Variants in ASB3 observed in about 807,000 individuals in gnomAD.
The protein encoded by ASB3 is ankyrin repeat and SOCS box protein 3.
Under a neutral mutation model 54.5 loss-of-function variants are expected in ASB3, and 41 were observed. The observed-to-expected ratio is 0.75, with a 90% CI of 0.59 to 0.98. The LOEUF is 0.98. Among genes scored for constraint, ASB3 ranks in the 50% least tolerant of loss-of-function variants. The pLI, the probability that ASB3 is intolerant of heterozygous loss-of-function variation, is 0.00. For missense variants in ASB3, 733 were observed against 620.0 expected (o/e 1.18, Z -1.94); for synonymous variants, 266 against 221.2 (o/e 1.20, Z -1.80).
intron 9 of ASB3, among the ~76,000 whole-genome samples, chr2:53,671,614 C>G (rs959365867): frequency 6.6e-6 from 1 of 151,894 alleles, no homozygotes; most frequent in African/African-American, 2.4e-5. Flanking sequence ...ACAAAATTAG[C>G]TTGGCGTGGT....
At chr2:53,697,265 T>A (rs184495259) in intron 8 of ASB3, among the ~76,000 whole-genome samples, 124 of 152,326 alleles carry the variant, frequency 8.1e-4, no homozygotes, top group Non-Finnish European at 1.6e-3. Context: ...AAACCCTCAG[T>A]CCTGGGACTT....
intron 9 of ASB3, among the ~76,000 whole-genome samples, chr2:53,671,387 T>TGTGC (rs1318730427): frequency 6.6e-6 from 1 of 151,816 alleles, no homozygotes; most frequent in Non-Finnish European, 1.5e-5. Context: ...TGTGTGTGTG[T>TGTGC]GTGTGTGTGT....
intron 9 of ASB3, among the ~76,000 whole-genome samples, chr2:53,681,315 G>A (rs1253225962): frequency 6.6e-6 from 1 of 152,080 alleles, no homozygotes; most frequent in Non-Finnish European, 1.5e-5. Context: ...CCCTTCTGTG[G>A]GCCGTCTCTT....
intron 3 of ASB3, among the ~76,000 whole-genome samples, chr2:53,739,712 G>T (rs13007276): frequency 1.6e-3 from 243 of 152,190 alleles, no homozygotes; most frequent in Admixed American, 3.7e-3. Flanking sequence ...GTCTGGCTCT[G>T]TTACCCACGA....
rs746964548 is a variant in ASB3 at position 53,765,380 on chromosome 2, C to A, written c.193G>T (p.Ala65Ser). ...SVECLQMLIN[A>S]DSSENYIKMK... The stretch of plus-strand genomic sequence containing the variant: ...CCATACCTTGAATTTACTTTACCTG[C>A]ATTAATTAACATTTGCAAACATTCT... Residue 65 changes from alanine (A) to serine (S), a missense_variant, in exon 2 of 10, where the codon GCA becomes TCA. Coordinates refer to ENST00000263634, the MANE Select transcript of ASB3 (RefSeq NM_016115.5). 6.8e-6 allele frequency: 11 copies of A among 1,614,078 alleles called. No homozygotes were observed. The highest frequency in any genetic ancestry group is 7.6e-6 in the Non-Finnish European group (9 of 1,180,028).
rs1353275040 is a variant in ASB3 at position 53,670,612 on chromosome 2, C to T, written c.1448G>A (p.Ser483Asn). The T allele has an allele frequency of 6.2e-7, 1 of 1,614,006 alleles. No homozygotes were observed. The highest frequency in any genetic ancestry group is 8.5e-7 in the Non-Finnish European group (1 of 1,179,970). Reference protein sequence around the residue: ...SLKSERLRSDSYISQLPLPRS... With the variant: ...SLKSERLRSDNYISQLPLPRS... ...GGGAAGTGGCAGCTGACTAATATAA[C>T]TGTCAGACCGTAGACGTTCTGATTT... Residue 483 changes from serine (S) to asparagine (N), a missense_variant, in exon 10 of 10, where the codon AGT (serine) becomes AAT (asparagine). Ser to Asn is a conservative substitution (Grantham distance 46). Coordinates refer to ENST00000263634, the MANE Select transcript of ASB3 (RefSeq NM_016115.5).
chr2:53,758,329 C>A (rs6746628), intron 2 of ASB3, among the ~76,000 whole-genome samples: 2 of 152,114 alleles, frequency 1.3e-5, no homozygotes, highest in African/African-American at 4.8e-5. Context: ...GGACTTAATC[C>A]GGGGCAACAA....
intron 3 of ASB3, among the ~76,000 whole-genome samples, chr2:53,740,622 A>G (rs1037623207): frequency 6.6e-6 from 1 of 152,234 alleles, no homozygotes; most frequent in Admixed American, 6.5e-5. Flanking sequence ...CCCAGTGGCT[A>G]ACAATCTTAA....
chr2:53,716,808 C>G, intron 5 of ASB3, 65 bp from the exon 6 acceptor site: 1 of 1,505,080 alleles, frequency 6.6e-7, no homozygotes, highest in Non-Finnish European at 8.9e-7. Context: ...ACACAAATTT[C>G]AAAGGAACTA....
chr2:53,743,791 C>G (rs963604738), intron 3 of ASB3, among the ~76,000 whole-genome samples: 1 of 152,152 alleles, frequency 6.6e-6, no homozygotes, highest in African/African-American at 2.4e-5. Context: ...TCCTGTAATC[C>G]CAGTTCTTCG....
rs1667764490 is a variant in ASB3, at chr2:53,670,703, A to T, written c.1370-13T>A. On this transcript the variant is annotated splice_polypyrimidine_tract_variant and intron_variant, in intron 9 of 9. Transcript: ENST00000263634. ...GATGGAACAGTGGCTGGAGAAACAA[A>T]AAAAGCAAGGTGAAACTTTTTTAAA... 1 of 1,592,208 alleles carries T rather than the reference A, an allele frequency of 6.3e-7. No individual in the cohort carries two copies. Among genetic ancestry groups the T allele is most frequent in the Admixed American group, 1.9e-5 (1 of 53,936 alleles).
In ASB3 at chr2:53,670,330, T is replaced by A; in HGVS notation, c.*173A>T. 1 of 328,734 alleles carries A rather than the reference T, an allele frequency of 3.0e-6. No homozygotes were observed. The highest frequency in any genetic ancestry group is 5.3e-6 in the Non-Finnish European group (1 of 188,896). 20.4% of individuals were successfully genotyped at this position (328,734 alleles called of 1,614,324 possible). A position where few individuals can be genotyped will look rare whatever the true frequency, so the allele number is the denominator to read the frequency against. On this transcript the variant is annotated 3_prime_UTR_variant, in exon 10 of 10. Coordinates refer to ENST00000263634, the MANE Select transcript of ASB3 (RefSeq NM_016115.5). ...TTTTTTTTTTTTTTACTGGGAAGGC[T>A]AGTTGTAAACATAAACATTCTCACT...
Position 53,716,562 on chromosome 2 carries a change from T to A in ASB3, c.782+4A>T. On this transcript the variant is annotated splice_donor_region_variant and intron_variant, in intron 6 of 9. Transcript: ENST00000263634. ...CATGTTTATTTTCTGTTTTTAACAC[T>A]TACTTTGTATGGCCCATTTGTGCAG... 1.2e-6 allele frequency: 2 copies of A among 1,608,708 alleles called. No individual in the cohort carries two copies. The highest frequency in any genetic ancestry group is 1.7e-6 in the Non-Finnish European group (2 of 1,176,922).
chr2:53,753,038 C>T (rs189851627), intron 2 of ASB3, among the ~76,000 whole-genome samples: 6 of 150,478 alleles, frequency 4.0e-5, no homozygotes, highest in Admixed American at 2.6e-4. Context: ...CCTTAATGTA[C>T]GCAATTTAAA....
intron 7 of ASB3, among the ~76,000 whole-genome samples, chr2:53,707,986 G>GA (rs1383983627): frequency 4.7e-5 from 7 of 149,832 alleles, no homozygotes; most frequent in Non-Finnish European, 8.9e-5. Context: ...AAGAAAGAAA[G>GA]AAAGAAAAGA....
chr2:53,721,898 A>C (rs1031401479), intron 5 of ASB3, among the ~76,000 whole-genome samples: 4 of 152,098 alleles, frequency 2.6e-5, no homozygotes, highest in Admixed American at 6.5e-5. Flanking sequence ...GATCAATGAA[A>C]CCAAAAGTTG....
chr2:53,752,470 T>G (rs890338146), intron 2 of ASB3, among the ~76,000 whole-genome samples: 1 of 152,210 alleles, frequency 6.6e-6, no homozygotes, highest in Non-Finnish European at 1.5e-5. Context: ...CCCCACTGCA[T>G]AAGGTGAGAA....
chr2:53,785,833 C>G (rs1055560398), intron 1 of ASB3, among the ~76,000 whole-genome samples: 9 of 152,218 alleles, frequency 5.9e-5, no homozygotes, highest in Non-Finnish European at 1.2e-4. Flanking sequence ...CAGAGCGAGA[C>G]TTTGTCTCAA....
At chr2:53,772,219 G>C (rs571189114) in intron 1 of ASB3, among the ~76,000 whole-genome samples, 206 of 152,182 alleles carry the variant, frequency 1.4e-3, no homozygotes, top group Non-Finnish European at 2.5e-3. Context: ...CTGTCGCCCA[G>C]GCTGGAGTGC....
Sources: allele counts gnomAD v4.1 joint callset (sites outside exome capture counted in the v4.1 genomes callset), GRCh38; gene constraint gnomAD v4.1.1; transcripts MANE v1.5; gene names NCBI Gene and HGNC (gene_info 2026-07-23, HGNC 2026-07-21).